Variants in DEFB108B observed in about 807,000 individuals in gnomAD.
DEFB108B encodes defensin beta 108B.
DEFB108B carries 3 observed loss-of-function variants against 2.4 expected under a neutral mutation model. The ratio of observed to expected loss-of-function variants is 1.25; its 90% confidence interval spans 0.57 to 3.24. The LOEUF (loss-of-function observed/expected upper bound fraction) is 3.24, where lower values mean the gene tolerates loss of function less well. Ranked by LOEUF, DEFB108B falls within the 30% of genes most tolerant of loss-of-function variation. The probability of loss-of-function intolerance (pLI) is 0.03; values close to 1 mark genes in which losing one functional copy is unlikely to be tolerated. For synonymous variants in DEFB108B, 25 were observed against 28.7 expected (o/e 0.87, Z 0.41); for missense variants, 101 against 87.8 (o/e 1.15, Z -0.60).
At chr11:71,837,365 G>A (rs761801429) in intron 1 of DEFB108B, 34 bp from the exon 2 acceptor site, 6 of 1,609,384 alleles carry the variant, frequency 3.7e-6, no homozygotes, top group Non-Finnish European at 5.1e-6. Context: ...AGAAAGACTG[G>A]TGAATGGTTA....
At chr11:71,833,986 A>G (rs1403105472) in intron 1 of DEFB108B, among the ~76,000 whole-genome samples, 5 of 152,200 alleles carry the variant, frequency 3.3e-5, no homozygotes, top group Non-Finnish European at 7.3e-5. Context: ...CACCCAAAAT[A>G]GATCCAAAAA....
intron 1 of DEFB108B, chr11:71,837,177 G>A (rs1180298238): frequency 1.0e-5 from 6 of 572,792 alleles, no homozygotes; most frequent in East Asian, 3.1e-5. Context: ...TGTCATGTAG[G>A]TGCACCCAAT....
intron 1 of DEFB108B, among the ~76,000 whole-genome samples, chr11:71,835,747 GCA>G (rs1459049915): frequency 6.6e-6 from 1 of 152,078 alleles, no homozygotes; most frequent in Non-Finnish European, 1.5e-5. Flanking sequence ...ACAAATTTCT[GCA>G]CAAACATATT....
At position 71,837,663 on chromosome 11, in the gene DEFB108B, T is replaced by C. The variant is rs529069743; in HGVS notation, c.*101T>C. 1 of 1,427,834 alleles carries C rather than the reference T, an allele frequency of 7.0e-7. No individual in the cohort carries two copies. Among genetic ancestry groups the C allele is most frequent in the African/African-American group, 1.4e-5 (1 of 69,692 alleles). The allele number at this position is 1,427,834 out of a possible 1,614,324, so 88.4% of individuals were successfully genotyped here. On this transcript the variant is annotated 3_prime_UTR_variant, in exon 2 of 2. Coordinates refer to ENST00000328698, the MANE Select transcript of DEFB108B (RefSeq NM_001002035.2). ...TCTCTCCATTTTTCTCACAGGGATT[T>C]TTATTGAATCCTCAAAAAAGAATAA... is the stretch of plus-strand genomic sequence containing the variant.
At chr11:71,837,092 A>G (rs911621519) in intron 1 of DEFB108B, 1 of 303,050 alleles carries the variant, frequency 3.3e-6, no homozygotes, top group Non-Finnish European at 6.3e-6. Flanking sequence ...TTAGAAGATA[A>G]TAAGGAAGAA....
intron 1 of DEFB108B, among the ~76,000 whole-genome samples, chr11:71,834,198 G>A (rs202052867): frequency 1.4e-4 from 21 of 152,038 alleles, no homozygotes; most frequent in South Asian, 2.1e-4. Flanking sequence ...CTGTTGTGCC[G>A]TTCCTTTGTG....
chr11:71,833,811 G>A (rs1952196467), intron 1 of DEFB108B, among the ~76,000 whole-genome samples: 1 of 152,156 alleles, frequency 6.6e-6, no homozygotes, highest in Non-Finnish European at 1.5e-5. Flanking sequence ...ATCTAGTCTT[G>A]TAATGTAGAA....
chr11:71,835,309 G>GC (rs960488386), intron 1 of DEFB108B, among the ~76,000 whole-genome samples: 15 of 151,962 alleles, frequency 9.9e-5, no homozygotes, highest in East Asian at 1.9e-4. Flanking sequence ...TTATTGCTCG[G>GC]CCCCCCCTTA....
rs1308438784 is a variant in DEFB108B at position 71,833,512 on chromosome 11, C to G, written c.58+255C>G. On this transcript the variant is annotated intron_variant, in intron 1 of 1. Transcript: ENST00000328698. ...AATTAGGCAAGTTTACTAGCAGTTACTAGACATCAAAAATTAAAAATCAGG... is the reference window on the plus strand; with the variant it reads ...AATTAGGCAAGTTTACTAGCAGTTAGTAGACATCAAAAATTAAAAATCAGG... Among the ~76,000 whole-genome samples, 5 of 152,172 alleles carry G rather than the reference C, an allele frequency of 3.3e-5. No individual in the cohort carries two copies. In the East Asian group the frequency reaches 7.7e-4, roughly 23 times the overall value.
intron 1 of DEFB108B, among the ~76,000 whole-genome samples, chr11:71,834,320 T>C (rs537388491): frequency 1.3e-5 from 2 of 152,342 alleles, no homozygotes; most frequent in East Asian, 1.9e-4. Context: ...CATTACTGAA[T>C]TCCTAGTACT....
chr11:71,837,087 AGAT>A, intron 1 of DEFB108B: 1 of 290,184 alleles, frequency 3.4e-6, no homozygotes, highest in Non-Finnish European at 6.6e-6. Flanking sequence ...CAGTGTTAGA[AGAT>A]AATAAGGAAG....
At chr11:71,835,579 A>G (rs1051207851) in intron 1 of DEFB108B, among the ~76,000 whole-genome samples, 1 of 152,156 alleles carries the variant, frequency 6.6e-6, no homozygotes, top group African/African-American at 2.4e-5. Context: ...AGACTGATTT[A>G]TTTTCCTTTG....
At position 71,837,697 on chromosome 11, in the gene DEFB108B, C is replaced by G. The variant is rs1281738957; in HGVS notation, c.*135C>G. On this transcript the variant is annotated 3_prime_UTR_variant, in exon 2 of 2. Transcript: ENST00000328698. ...TCCTCAAAAAAGAATAAACCAAAACCAACCAGCACAAAACTCTTTTAAAAG... is the reference window on the plus strand; with the variant it reads ...TCCTCAAAAAAGAATAAACCAAAACGAACCAGCACAAAACTCTTTTAAAAG... 8.3e-7 allele frequency: 1 copy of G among 1,205,426 alleles called. No homozygotes were observed. Among genetic ancestry groups the G allele is most frequent in the African/African-American group, 1.5e-5 (1 of 64,966 alleles). 74.7% of individuals were successfully genotyped at this position (1,205,426 alleles called of 1,614,324 possible).
At chr11:71,834,787 T>A (rs905084622) in intron 1 of DEFB108B, 1 of 152,244 alleles carries the variant, frequency 6.6e-6, no homozygotes, top group Non-Finnish European at 1.5e-5. Context: ...CCCTATCATC[T>A]GTCTCACTCC....
At chr11:71,833,677 G>A (rs1299969188) in intron 1 of DEFB108B, among the ~76,000 whole-genome samples, 1 of 152,200 alleles carries the variant, frequency 6.6e-6, no homozygotes, top group African/African-American at 2.4e-5. Context: ...AAGTCTCTTT[G>A]AAAATATTAT....
At chr11:71,836,026 C>A (rs1238760811) in intron 1 of DEFB108B, among the ~76,000 whole-genome samples, 1 of 152,158 alleles carries the variant, frequency 6.6e-6, no homozygotes, top group Non-Finnish European at 1.5e-5. Context: ...TCATCCTCTA[C>A]ACTATACTAA....
Position 71,833,350 on chromosome 11 carries a change from G to T in DEFB108B, c.58+93G>T, listed in dbSNP as rs1952192697. On this transcript the variant is annotated intron_variant, in intron 1 of 1. Coordinates refer to ENST00000328698, the MANE Select transcript of DEFB108B (RefSeq NM_001002035.2). ...ATCACCATCACCTATAACCAGAAAAGGGGGTCTCATAGGAAATCTGGAAGA... is the reference window on the plus strand; with the variant it reads ...ATCACCATCACCTATAACCAGAAAATGGGGTCTCATAGGAAATCTGGAAGA... 6 of 1,552,650 alleles carry T rather than the reference G, an allele frequency of 3.9e-6. No homozygotes were observed. In the South Asian group the frequency reaches 6.0e-5, roughly 16 times the overall value.
At position 71,836,429 on chromosome 11, in the gene DEFB108B, T is replaced by C. The variant is rs574403161; in HGVS notation, c.59-970T>C. Among the ~76,000 whole-genome samples, 6 of 152,300 alleles carry C rather than the reference T, an allele frequency of 3.9e-5. No individual in the cohort carries two copies. In the East Asian group the frequency reaches 9.6e-4, roughly 24 times the overall value. Reference sequence around the variant, plus strand: ...GTACTGATTGAAAGCTATTCTAGAATTGGCTTTTGTGTTCCAGAATAGAAA... The same window carrying C: ...GTACTGATTGAAAGCTATTCTAGAACTGGCTTTTGTGTTCCAGAATAGAAA... On this transcript the variant is annotated intron_variant, in intron 1 of 1. Coordinates refer to ENST00000328698, the MANE Select transcript of DEFB108B (RefSeq NM_001002035.2).
In DEFB108B at chr11:71,837,498, A is replaced by C. The variant is rs7120658; in HGVS notation, c.158A>C (p.Gln53Pro). ...CATGTTGGGAGATGTTTAAATAGCC[A>C]ACCCTGCTGCCTGCCTCTGGGGCAT... ...EIHVGRCLNS[Q>P]PCCLPLGHQP... Residue 53 changes from glutamine (Q) to proline (P), a missense_variant, in exon 2 of 2, where the codon CAA becomes CCA. Gln to Pro is a moderately conservative substitution (Grantham distance 76). Coordinates refer to ENST00000328698, the MANE Select transcript of DEFB108B (RefSeq NM_001002035.2). 1 of 1,611,132 alleles carries C rather than the reference A, an allele frequency of 6.2e-7. No homozygotes were observed.
Sources: allele counts gnomAD v4.1 joint callset (sites outside exome capture counted in the v4.1 genomes callset), GRCh38; gene constraint gnomAD v4.1.1; transcripts MANE v1.5; gene names NCBI Gene and HGNC (gene_info 2026-07-23, HGNC 2026-07-21).